The following ANO1 variants were observed in gnomAD, a reference collection of about 807,000 sequenced individuals.
ANO1 encodes the protein anoctamin 1.
In ANO1, 59 loss-of-function variants were observed where a neutral mutation model predicts 124.0. That is an observed-to-expected ratio of 0.48 (90% confidence interval 0.39 to 0.59). The LOEUF (loss-of-function observed/expected upper bound fraction) is 0.59. Among genes scored for constraint, ANO1 ranks in the 20% least tolerant of loss-of-function variants. ANO1 has a pLI of 0.00. For synonymous variants in ANO1, 529 were observed against 532.0 expected (o/e 0.99, Z 0.08); for missense variants, 1,059 against 1,328.0 (o/e 0.80, Z 3.15).
At chr11:70,150,698 C>T (rs529558010) in intron 12 of ANO1, among the ~76,000 whole-genome samples, 46 of 152,022 alleles carry the variant, frequency 3.0e-4, no homozygotes, top group African/African-American at 9.9e-4. Context: ...CCATGCCTGG[C>T]GAATTGTTTA....
intron 7 of ANO1, among the ~76,000 whole-genome samples, chr11:70,114,991 G>A (rs1188232786): frequency 6.6e-6 from 1 of 152,162 alleles, no homozygotes; most frequent in Non-Finnish European, 1.5e-5. Flanking sequence ...TGACTAACGA[G>A]GTCACCAGCA....
chr11:70,125,343 A>T (rs1322502572), intron 9 of ANO1, among the ~76,000 whole-genome samples: 4 of 148,330 alleles, frequency 2.7e-5, no homozygotes, highest in Non-Finnish European at 5.9e-5. Context: ...ACTCCATCTC[A>T]AAATAAATAA....
intron 1 of ANO1, among the ~76,000 whole-genome samples, chr11:69,987,080 C>T (rs1219226741): frequency 5.9e-5 from 9 of 152,062 alleles, no homozygotes; most frequent in African/African-American, 2.2e-4. Context: ...TATTCTGATG[C>T]GTGCCTTTCA....
chr11:70,155,295 C>G (rs535624501), intron 14 of ANO1, among the ~76,000 whole-genome samples: 1 of 152,318 alleles, frequency 6.6e-6, no homozygotes, highest in African/African-American at 2.4e-5. Context: ...CTCTGTGGCC[C>G]GTGGCTTGGT....
chr11:70,041,191 T>C (rs1857177973), intron 1 of ANO1, among the ~76,000 whole-genome samples: 1 of 152,162 alleles, frequency 6.6e-6, no homozygotes. Flanking sequence ...CCACATCACA[T>C]TTCAATTTAT....
chr11:70,144,497 A>T (rs761570234), intron 11 of ANO1, among the ~76,000 whole-genome samples: 12 of 152,206 alleles, frequency 7.9e-5, no homozygotes, highest in Non-Finnish European at 1.3e-4. Context: ...GCTCACCCTG[A>T]TGAGATCCCA....
chr11:70,099,311 T>A (rs2045156752), intron 2 of ANO1, among the ~76,000 whole-genome samples: 2 of 152,174 alleles, frequency 1.3e-5, no homozygotes, highest in African/African-American at 4.8e-5. Flanking sequence ...ACTGGTCTCA[T>A]GACCCCTTTC....
At chr11:70,062,100 G>A (rs1274453537) in intron 1 of ANO1, among the ~76,000 whole-genome samples, 1 of 103,016 alleles carries the variant, frequency 9.7e-6, no homozygotes, top group Non-Finnish European at 1.9e-5. Context: ...TTTTGAGATG[G>A]AGTTTCACTC....
intron 1 of ANO1, among the ~76,000 whole-genome samples, chr11:70,024,986 A>G (rs1331816610): frequency 6.6e-6 from 1 of 152,212 alleles, no homozygotes; most frequent in Non-Finnish European, 1.5e-5. Flanking sequence ...TTGGTGCTGA[A>G]ATGCTGGGCT....
chr11:70,010,179 G>GTATATATATATATATATATATATATATA lies in ANO1; in HGVS notation c.58+24032_58+24033insATATATATATATATATATATATATATAT, dbSNP rs71926266. Among the ~76,000 whole-genome samples the GTATATATATATATATATATATATATATA allele has an allele frequency of 4.4e-4, 37 of 83,788 alleles. 2 individuals are homozygous for GTATATATATATATATATATATATATATA. Among genetic ancestry groups the GTATATATATATATATATATATATATATA allele is most frequent in the East Asian group, 1.7e-3 (3 of 1,736 alleles). The allele number at this position is 83,788 out of a possible 152,430, so 55.0% of individuals were successfully genotyped here. A position where few individuals can be genotyped will look rare whatever the true frequency, so the allele number is the denominator to read the frequency against. On this transcript the variant is annotated intron_variant, in intron 1 of 27. Transcript: ENST00000531349. Reference sequence around the variant, plus strand: ...TGTGTGTGTGTGCGCGTGTGTGTGTGTATATATATATATATATATCACATT... The same window carrying GTATATATATATATATATATATATATATA: ...TGTGTGTGTGTGCGCGTGTGTGTGTGTATATATATATATATATATATATATATATATATATATATATATATATCACATT...
At chr11:70,184,560 G>A (rs1051562455) in intron 24 of ANO1, among the ~76,000 whole-genome samples, 20 of 152,354 alleles carry the variant, frequency 1.3e-4, no homozygotes, top group African/African-American at 4.3e-4. Context: ...GGACCAAGCA[G>A]CAACCCTGGA....
rs573870603 is a variant in ANO1 at position 70,184,989 on chromosome 11, A to C, written c.2589-601A>C. On this transcript the variant is annotated intron_variant, in intron 24 of 25. Coordinates refer to ENST00000355303, the MANE Select transcript of ANO1 (RefSeq NM_018043.7). The stretch of plus-strand genomic sequence containing the variant: ...CTCTAACTCCTCAGCCTGAGATTAC[A>C]GTGCTGAGGTTACAGGCACGAGCCA... Among the ~76,000 whole-genome samples, 14 of 152,244 alleles carry C rather than the reference A, an allele frequency of 9.2e-5. 1 individual carries two copies. In the South Asian group the frequency reaches 1.7e-3, roughly 18 times the overall value.
At chr11:70,114,334 C>T (rs1486215828) in intron 7 of ANO1, among the ~76,000 whole-genome samples, 2 of 152,172 alleles carry the variant, frequency 1.3e-5, no homozygotes, top group Non-Finnish European at 2.9e-5. Context: ...GACTGAAGGG[C>T]GCCCGTGCTG....
chr11:70,139,942 G>C (rs2047089303), intron 11 of ANO1, among the ~76,000 whole-genome samples: 1 of 152,190 alleles, frequency 6.6e-6, no homozygotes. Flanking sequence ...TTACCTCCAA[G>C]TTTTTCTCTC....
chr11:70,064,994 T>A (rs1186117783), intron 1 of ANO1: 24 of 152,368 alleles, frequency 1.6e-4, no homozygotes, highest in Admixed American at 1.6e-3. Context: ...ATGCCGTTCA[T>A]AGTCTGGGAC....
the ANO1 span, among the ~76,000 whole-genome samples, chr11:69,977,316 C>T: frequency 6.6e-6 from 1 of 152,214 alleles, no homozygotes; most frequent in African/African-American, 2.4e-5. Context: ...GGAAGTAGTC[C>T]ATATGCTGTA....
At chr11:70,002,188 C>T (rs1051990566) in intron 1 of ANO1, among the ~76,000 whole-genome samples, 69 of 152,180 alleles carry the variant, frequency 4.5e-4, no homozygotes, top group African/African-American at 1.6e-3. Context: ...CAGTGGCTCA[C>T]ACCTATAATC....
intron 10 of ANO1, among the ~76,000 whole-genome samples, chr11:70,131,481 C>A (rs999716970): frequency 6.6e-6 from 1 of 152,172 alleles, no homozygotes; most frequent in Non-Finnish European, 1.5e-5. Context: ...GCGCGTGCCA[C>A]CATGCCCGGC....
chr11:70,135,383 G>C (rs981670246), intron 11 of ANO1, among the ~76,000 whole-genome samples: 1 of 152,134 alleles, frequency 6.6e-6, no homozygotes, highest in Non-Finnish European at 1.5e-5. Context: ...GGCCGAGCTG[G>C]TCTCATCTGA....
Sources: gnomAD v4.1 joint callset for allele counts (sites outside exome capture counted in the v4.1 genomes callset) on GRCh38, gnomAD v4.1.1 for gene constraint, MANE v1.5 for transcripts, NCBI Gene and HGNC (gene_info 2026-07-23, HGNC 2026-07-21) for gene names.